Variants in DSG2 observed in about 807,000 individuals in gnomAD.
DSG2 encodes the protein desmoglein 2.
In DSG2, 45 loss-of-function variants were observed where a neutral mutation model predicts 75.6. That is an observed-to-expected ratio of 0.60 (90% confidence interval 0.47 to 0.76). The LOEUF is 0.76. Among genes scored for constraint, DSG2 ranks in the 30% least tolerant of loss-of-function variants. DSG2 has a pLI of 0.00. For synonymous variants in DSG2, 429 were observed against 483.9 expected (o/e 0.89, Z 1.49); for missense variants, 1,267 against 1,357.4 (o/e 0.93, Z 1.05).
chr18:31,513,893 C>T (rs2073079915), intron 1 of DSG2, among the ~76,000 whole-genome samples: 1 of 152,160 alleles, frequency 6.6e-6, no homozygotes, highest in African/African-American at 2.4e-5. Flanking sequence ...TCCAAAAATG[C>T]ATAATACTGA....
Position 31,542,667 on chromosome 18 carries a change from A to G in DSG2, c.2149A>G (p.Arg717Gly). 3 of 1,614,186 alleles carry G rather than the reference A, an allele frequency of 1.9e-6. No homozygotes were observed. Among genetic ancestry groups the G allele is most frequent in the Non-Finnish European group, 2.5e-6 (3 of 1,180,024 alleles). ...GQHEMSEMDG[R>G]WEEHRSLLSG... ...ACATGAGATGTCCGAGATGGATGGA[A>G]GGTGGGAAGAACACAGAAGCCTGCT... Residue 717 changes from arginine to glycine, a missense_variant, in exon 14 of 15, where the codon AGG becomes GGG. Arg to Gly is a moderately radical substitution (Grantham distance 125, BLOSUM62 -2). Coordinates refer to ENST00000261590, the MANE Select transcript of DSG2 (RefSeq NM_001943.5).
Position 31,546,737 on chromosome 18 carries a change from C to T in DSG2, c.3351C>T (p.Tyr1117=), listed in dbSNP as rs760060687. 1.2e-6 allele frequency: 2 copies of T among 1,614,078 alleles called. No homozygotes were observed. Among genetic ancestry groups the T allele is most frequent in the South Asian group, 2.2e-5 (2 of 91,082 alleles). The change falls in exon 15 of 15, where the codon TAC becomes TAT. Residue 1117 remains tyrosine, a synonymous_variant. Coordinates refer to ENST00000261590, the MANE Select transcript of DSG2 (RefSeq NM_001943.5). The part of the protein sequence containing the change: ...VTKHSTVQHS[Y]S ...AGCATAGCACTGTACAGCATTCTTA[C>T]TCCTAAACAGCAGTCAGCCACAAAC...
intron 8 of DSG2, among the ~76,000 whole-genome samples, chr18:31,526,974 A>C (rs555350373): frequency 1.8e-3 from 270 of 152,264 alleles, no homozygotes; most frequent in Non-Finnish European, 2.5e-3. Flanking sequence ...TTTTAAATTT[A>C]GTGTCACCTA....
At chr18:31,528,014 A>C (rs2073172971) in intron 8 of DSG2, among the ~76,000 whole-genome samples, 1 of 152,210 alleles carries the variant, frequency 6.6e-6, no homozygotes, top group African/African-American at 2.4e-5. Flanking sequence ...TCAGCACGTG[A>C]GTTTTAAGGC....
intron 1 of DSG2, among the ~76,000 whole-genome samples, chr18:31,508,794 C>T (rs2073052229): frequency 6.6e-6 from 1 of 152,158 alleles, no homozygotes; most frequent in East Asian, 1.9e-4. Context: ...TCCAGGCTCT[C>T]CTCTTCTTCC....
In DSG2 at chr18:31,538,763, T is replaced by G; in HGVS notation, c.1664T>G (p.Leu555Arg). The G allele has an allele frequency of 6.2e-7, 1 of 1,614,218 alleles. No individual in the cohort carries two copies. The highest frequency in any genetic ancestry group is 1.1e-5 in the South Asian group (1 of 91,088). Residue 555 changes from leucine (L) to arginine (R), a missense_variant, in exon 12 of 15, where the codon CTG becomes CGG. By Grantham distance (102) the Leu-to-Arg change is moderately radical (BLOSUM62 -2). Transcript: ENST00000261590. ...KIARQESTSVLLQQSEKKLGR... is the reference protein window; with the variant it reads ...KIARQESTSVRLQQSEKKLGR... ...CCCAACCTTGTAGGTACCAGTGTGC[T>G]GCTGCAACAAAGTGAGAAAAAGCTT... is the stretch of plus-strand genomic sequence containing the variant.
At chr18:31,523,111 G>A (rs1254654627) in intron 6 of DSG2, among the ~76,000 whole-genome samples, 1 of 152,150 alleles carries the variant, frequency 6.6e-6, no homozygotes, top group Non-Finnish European at 1.5e-5. Context: ...ATTTCTTAGA[G>A]AAATGATTGG....
chr18:31,505,533 ATTC>A (rs1409367820), intron 1 of DSG2, among the ~76,000 whole-genome samples: 1 of 152,198 alleles, frequency 6.6e-6, no homozygotes, highest in African/African-American at 2.4e-5. Context: ...GCACGGACGT[ATTC>A]TTTAAAAATG....
intron 1 of DSG2, among the ~76,000 whole-genome samples, chr18:31,516,950 G>A (rs1375945858): frequency 3.3e-5 from 5 of 152,298 alleles, no homozygotes; most frequent in Middle Eastern, 3.4e-3. Flanking sequence ...TAGCACATGT[G>A]GCTGTGGAGC....
At chr18:31,522,315 T>A in intron 6 of DSG2, 66 bp downstream of exon 6, 1 of 1,431,596 alleles carries the variant, frequency 7.0e-7, no homozygotes, top group African/African-American at 2.1e-5. Context: ...CCTCTCTTTT[T>A]CTTTTCTAAT....
intron 1 of DSG2, among the ~76,000 whole-genome samples, chr18:31,515,171 C>T (rs1318716805): frequency 1.3e-5 from 2 of 152,090 alleles, no homozygotes; most frequent in Admixed American, 6.6e-5. Flanking sequence ...GGCGCGATCT[C>T]GGCCGACTGC....
chr18:31,513,156 A>AT (rs1464111387), intron 1 of DSG2, among the ~76,000 whole-genome samples: 1 of 152,248 alleles, frequency 6.6e-6, no homozygotes, highest in African/African-American at 2.4e-5. Context: ...AAAGAAAAGA[A>AT]TGTTGAATAT....
chr18:31,538,698 C>T, intron 11 of DSG2, 53 bp from the exon 12 acceptor site: 6 of 1,419,168 alleles, frequency 4.2e-6, no homozygotes, highest in Non-Finnish European at 6.0e-6. Context: ...TTAATGTTGC[C>T]TCATCCTTGG....
intron 1 of DSG2, among the ~76,000 whole-genome samples, chr18:31,506,793 G>A (rs1328128411): frequency 2.6e-5 from 4 of 151,996 alleles, no homozygotes. Context: ...CAATAAAAGA[G>A]TAAAATATTT....
chr18:31,545,319 C>T (rs1428750265), intron 14 of DSG2, among the ~76,000 whole-genome samples: 1 of 152,228 alleles, frequency 6.6e-6, no homozygotes, highest in African/African-American at 2.4e-5. Flanking sequence ...GACACACATT[C>T]ACACACATTC....
chr18:31,547,032 A>T lies in DSG2; in HGVS notation c.*289A>T, dbSNP rs541237335. On this transcript the variant is annotated 3_prime_UTR_variant, in exon 15 of 15. Coordinates refer to ENST00000261590, the MANE Select transcript of DSG2 (RefSeq NM_001943.5). Reference sequence around the variant, plus strand: ...ATAAAACAAGATACATAGAGAGTCAATCTGGCTTCTGAGAATTTACCAAGT... The same window carrying T: ...ATAAAACAAGATACATAGAGAGTCATTCTGGCTTCTGAGAATTTACCAAGT... 4 of 461,326 alleles carry T rather than the reference A, an allele frequency of 8.7e-6. No individual in the cohort carries two copies. The highest frequency in any genetic ancestry group is 8.3e-5 in the South Asian group (4 of 47,990). 28.6% of individuals were successfully genotyped at this position (461,326 alleles called of 1,614,324 possible). A position where few individuals can be genotyped will look rare whatever the true frequency, so the allele number is the denominator to read the frequency against.
chr18:31,541,419 T>C, intron 13 of DSG2, 105 bp downstream of exon 13: 16 of 1,388,708 alleles, frequency 1.2e-5, no homozygotes, highest in Non-Finnish European at 1.5e-5. Flanking sequence ...GTGATCACTA[T>C]GGATTTCACT....
chr18:31,498,234 G>GGCGGAGGCGAGGGT lies in DSG2; in HGVS notation c.-14_-1dup. ...GGCGCGGAGCGGTGCGGCGGCGGGAGGCGGAGGCGAGGGTGCGATGGCGCG... is the reference window on the plus strand; with the variant it reads ...GGCGCGGAGCGGTGCGGCGGCGGGAGGCGGAGGCGAGGGTGCGGAGGCGAGGGTGCGATGGCGCG... On this transcript the variant is annotated 5_prime_UTR_variant, in exon 1 of 15. Coordinates refer to ENST00000261590, the MANE Select transcript of DSG2 (RefSeq NM_001943.5). 1 of 1,253,230 alleles carries GGCGGAGGCGAGGGT rather than the reference G, an allele frequency of 8.0e-7. No individual in the cohort carries two copies. Among genetic ancestry groups the GGCGGAGGCGAGGGT allele is most frequent in the Non-Finnish European group, 1.0e-6 (1 of 995,960 alleles). 77.6% of individuals were successfully genotyped at this position (1,253,230 alleles called of 1,614,324 possible). A position where few individuals can be genotyped will look rare whatever the true frequency, so the allele number is the denominator to read the frequency against.
intron 14 of DSG2, among the ~76,000 whole-genome samples, chr18:31,543,880 A>AT (rs1567933601): frequency 6.6e-6 from 1 of 151,804 alleles, no homozygotes; most frequent in Non-Finnish European, 1.5e-5. Context: ...AAAAAAAAAA[A>AT]AAAAGTATAA....
Sources: allele counts gnomAD v4.1 joint callset (sites outside exome capture counted in the v4.1 genomes callset), GRCh38; gene constraint gnomAD v4.1.1; transcripts MANE v1.5; gene names NCBI Gene and HGNC (gene_info 2026-07-23, HGNC 2026-07-21).